Variants in LDB2 observed in about 807,000 individuals in gnomAD.
The protein encoded by LDB2 is LIM domain-binding protein 2.
LDB2 carries 12 observed loss-of-function variants against 44.3 expected under a neutral mutation model. That is an observed-to-expected ratio of 0.27 (90% CI 0.17 to 0.44). The LOEUF (loss-of-function observed/expected upper bound fraction) is 0.44. LDB2 is among the 20% of genes least tolerant of loss of function. LDB2 has a pLI of 1.00. For missense variants in LDB2, 344 were observed against 473.5 expected (o/e 0.73, Z 2.54); for synonymous variants, 164 against 174.8 (o/e 0.94, Z 0.49).
chr4:16,772,721 G>GA (rs1359375726), intron 1 of LDB2, among the ~76,000 whole-genome samples: 1 of 151,942 alleles, frequency 6.6e-6, no homozygotes, highest in Admixed American at 6.6e-5. Context: ...ACTCATAATA[G>GA]AAAAAAACAC....
intron 2 of LDB2, among the ~76,000 whole-genome samples, chr4:16,693,647 G>C (rs151136251): frequency 3.5e-4 from 54 of 152,268 alleles, no homozygotes; most frequent in African/African-American, 1.3e-3. Flanking sequence ...TCTGTGGTGT[G>C]TTTCTAGTTC....
At chr4:16,733,427 G>A (rs963429733) in intron 2 of LDB2, among the ~76,000 whole-genome samples, 2 of 151,980 alleles carry the variant, frequency 1.3e-5, no homozygotes, top group East Asian at 3.9e-4. Flanking sequence ...TCTGATTCCT[G>A]ATTTGGTCTG....
At chr4:16,506,847 C>G (rs1181737178) in intron 7 of LDB2, 3 of 152,206 alleles carry the variant, frequency 2.0e-5, no homozygotes, top group Non-Finnish European at 4.4e-5. Context: ...GGGATTCTTG[C>G]AGCTACAGTG....
chr4:16,815,601 TC>T (rs1351998833), intron 1 of LDB2, among the ~76,000 whole-genome samples: 1 of 152,184 alleles, frequency 6.6e-6, no homozygotes. Context: ...TACAGCCTTT[TC>T]CACCTCTCCT....
intron 5 of LDB2, among the ~76,000 whole-genome samples, chr4:16,532,840 G>A (rs1040315064): frequency 2.3e-4 from 35 of 151,998 alleles, no homozygotes; most frequent in African/African-American, 8.2e-4. Context: ...GGACTTCTTC[G>A]GTCATATTTG....
chr4:16,537,634 A>G lies in LDB2; in HGVS notation c.616-25530T>C, dbSNP rs1290944628. ...CAACAGCTTACAAAGAACTTCATGG[A>G]GGGCAATTTAGTGCTCCTAATGTCC... is the stretch of plus-strand genomic sequence containing the variant. On this transcript the variant is annotated intron_variant, in intron 5 of 7. Coordinates refer to ENST00000304523, the MANE Select transcript of LDB2 (RefSeq NM_001290.5). 3.3e-5 allele frequency among the ~76,000 whole-genome samples: 5 copies of G among 152,170 alleles called. No homozygotes were observed. The East Asian group carries it at 9.7e-4, about 29-fold the overall frequency.
At chr4:16,821,314 C>CA in intron 1 of LDB2, among the ~76,000 whole-genome samples, 3 of 151,942 alleles carry the variant, frequency 2.0e-5, no homozygotes, top group Middle Eastern at 3.4e-3. Flanking sequence ...TTTTGTTTTT[C>CA]AAAAAGGTAG....
At chr4:16,787,965 GT>G (rs1774819980) in intron 1 of LDB2, among the ~76,000 whole-genome samples, 1 of 152,190 alleles carries the variant, frequency 6.6e-6, no homozygotes, top group African/African-American at 2.4e-5. Flanking sequence ...TGGGGTACAT[GT>G]GCCTGACCAC....
intron 7 of LDB2, among the ~76,000 whole-genome samples, chr4:16,504,353 AT>A (rs1281991257): frequency 6.6e-6 from 1 of 152,160 alleles, no homozygotes; most frequent in African/African-American, 2.4e-5. Context: ...GCTCCCCACC[AT>A]TCTTGAGTTA....
chr4:16,524,205 C>A (rs145426979), intron 5 of LDB2, among the ~76,000 whole-genome samples: 1 of 152,170 alleles, frequency 6.6e-6, no homozygotes, highest in African/African-American at 2.4e-5. Context: ...CTTCTATATG[C>A]TCAGGAAGGA....
intron 2 of LDB2, among the ~76,000 whole-genome samples, chr4:16,598,237 T>A (rs953419007): frequency 6.6e-6 from 1 of 152,232 alleles, no homozygotes; most frequent in African/African-American, 2.4e-5. Flanking sequence ...GCTACGCCTT[T>A]AAAAGAACTC....
chr4:16,856,265 A>C (rs547816660), intron 1 of LDB2, among the ~76,000 whole-genome samples: 112 of 152,320 alleles, frequency 7.4e-4, no homozygotes, highest in Non-Finnish European at 1.3e-3. Context: ...AAAATCTTTG[A>C]TATTCCTGGT....
chr4:16,875,334 T>A (rs1561509673), intron 1 of LDB2, among the ~76,000 whole-genome samples: 1 of 152,146 alleles, frequency 6.6e-6, no homozygotes. Flanking sequence ...ATTTATCAAT[T>A]GAAAAATAAA....
chr4:16,553,938 A>C (rs1239002711), intron 5 of LDB2, among the ~76,000 whole-genome samples: 2 of 152,110 alleles, frequency 1.3e-5, no homozygotes, highest in African/African-American at 4.8e-5. Flanking sequence ...TCAAACTCTT[A>C]GCCACCACTC....
Position 16,690,914 on chromosome 4 carries a change from T to C in LDB2, c.235+68244A>G, listed in dbSNP as rs557530585. 2.6e-5 allele frequency among the ~76,000 whole-genome samples: 4 copies of C among 152,364 alleles called. No individual in the cohort carries two copies. In the East Asian group the frequency reaches 7.7e-4, roughly 29 times the overall value. On this transcript the variant is annotated intron_variant, in intron 2 of 7. Coordinates refer to ENST00000304523, the MANE Select transcript of LDB2 (RefSeq NM_001290.5). Reference sequence around the variant, plus strand: ...TATCTAGAAATAAGCTTGAGTCAGATAGACCGTTTCCCCTATGTCTCAAGG... The same window carrying C: ...TATCTAGAAATAAGCTTGAGTCAGACAGACCGTTTCCCCTATGTCTCAAGG...
chr4:16,764,121 T>C (rs1008230498), intron 1 of LDB2, among the ~76,000 whole-genome samples: 12 of 152,314 alleles, frequency 7.9e-5, no homozygotes, highest in Admixed American at 6.5e-4. Context: ...TGCTTTTTTG[T>C]AAATAATTTT....
At chr4:16,547,985 G>A (rs1197224483) in intron 5 of LDB2, among the ~76,000 whole-genome samples, 1 of 151,292 alleles carries the variant, frequency 6.6e-6, no homozygotes, top group East Asian at 1.9e-4. Context: ...TCCAGACAGA[G>A]TCTTGCTCTG....
intron 1 of LDB2, among the ~76,000 whole-genome samples, chr4:16,852,000 C>G (rs2110191718): frequency 6.6e-6 from 1 of 152,298 alleles, no homozygotes; most frequent in South Asian, 2.1e-4. Context: ...ATAAAAGAAA[C>G]AGTAGTGACC....
chr4:16,508,713 T>A (rs746534478), intron 6 of LDB2, 27 bp from the exon 7 acceptor site: 5 of 1,610,658 alleles, frequency 3.1e-6, no homozygotes, highest in Non-Finnish European at 4.2e-6. Flanking sequence ...GGAAGAGGGA[T>A]CAGTTCTAGG....
Sources: gnomAD v4.1 joint callset for allele counts (sites outside exome capture counted in the v4.1 genomes callset) on GRCh38, gnomAD v4.1.1 for gene constraint, MANE v1.5 for transcripts, NCBI Gene and HGNC (gene_info 2026-07-23, HGNC 2026-07-21) for gene names.